The following DCLK2 variants were observed in gnomAD, a reference collection of about 807,000 sequenced individuals.
DCLK2 encodes the protein doublecortin like kinase 2, also known as serine/threonine-protein kinase DCLK2.
Under a neutral mutation model 78.4 loss-of-function variants are expected in DCLK2, and 31 were observed. The ratio of observed to expected loss-of-function variants is 0.40; its 90% CI spans 0.30 to 0.53. The LOEUF (loss-of-function observed/expected upper bound fraction) is 0.53. Among genes scored for constraint, DCLK2 ranks in the 20% least tolerant of loss-of-function variants. DCLK2 has a pLI of 0.61. For synonymous variants in DCLK2, 407 were observed against 374.9 expected (o/e 1.09, Z -0.99); for missense variants, 872 against 973.7 (o/e 0.90, Z 1.39).
chr4:150,122,262 A>G (rs374801962), intron 2 of DCLK2, among the ~76,000 whole-genome samples: 1 of 152,222 alleles, frequency 6.6e-6, no homozygotes, highest in African/African-American at 2.4e-5. Context: ...CTGGGTATAT[A>G]CCCAAAGGAT....
At chr4:150,197,850 T>C in intron 3 of DCLK2, 152 bp from the exon 4 acceptor site, 1 of 531,332 alleles carries the variant, frequency 1.9e-6, no homozygotes, top group Non-Finnish European at 3.2e-6. Context: ...AACTCAGGTG[T>C]ACTTTTGGGA....
intron 13 of DCLK2, among the ~76,000 whole-genome samples, chr4:150,248,055 A>G (rs1055043494): frequency 1.3e-5 from 2 of 152,230 alleles, no homozygotes; most frequent in Non-Finnish European, 2.9e-5. Flanking sequence ...AGACTGTGGA[A>G]TAATAACAAT....
intron 3 of DCLK2, among the ~76,000 whole-genome samples, chr4:150,195,472 T>TA (rs2126404905): frequency 1.1e-5 from 1 of 88,590 alleles, no homozygotes; most frequent in African/African-American, 4.1e-5. Context: ...ATATATTATA[T>TA]ATATTATTAT....
At chr4:150,098,734 C>T (rs1730657942) in intron 1 of DCLK2, among the ~76,000 whole-genome samples, 1 of 137,948 alleles carries the variant, frequency 7.2e-6, no homozygotes, top group African/African-American at 2.7e-5. Flanking sequence ...TCATTCTTGT[C>T]ACCCAGGCTG....
chr4:150,248,881 T>A (rs1363013597), intron 14 of DCLK2, among the ~76,000 whole-genome samples: 1 of 152,072 alleles, frequency 6.6e-6, no homozygotes, highest in Non-Finnish European at 1.5e-5. Context: ...TCCCAGAGGC[T>A]CAGGTGGTCT....
chr4:150,158,381 A>G (rs1222272549), intron 2 of DCLK2, among the ~76,000 whole-genome samples: 1 of 152,194 alleles, frequency 6.6e-6, no homozygotes, highest in Non-Finnish European at 1.5e-5. Context: ...GCTTCAACAT[A>G]TGAATTTTAG....
chr4:150,198,904 T>G, intron 4 of DCLK2: 4 of 591,350 alleles, frequency 6.8e-6, no homozygotes, highest in East Asian at 3.4e-5. Flanking sequence ...CCTTTCCCCT[T>G]TCAGCACCCC....
chr4:150,178,055 T>A (rs1737213810), intron 2 of DCLK2, among the ~76,000 whole-genome samples: 1 of 152,192 alleles, frequency 6.6e-6, no homozygotes. Flanking sequence ...AACTCTTCAA[T>A]CCTGAATTAA....
At chr4:150,226,226 T>TC (rs386401855) in intron 8 of DCLK2, among the ~76,000 whole-genome samples, 1 of 2,880 alleles carries the variant, frequency 3.5e-4, no homozygotes, top group Non-Finnish European at 6.4e-3. Context: ...TGTCATTTAC[T>TC]TTTTTTTTTT....
chr4:150,118,117 C>G (rs897413172), intron 2 of DCLK2, among the ~76,000 whole-genome samples: 1 of 152,098 alleles, frequency 6.6e-6, no homozygotes, highest in African/African-American at 2.4e-5. Flanking sequence ...CCTGGCTGTC[C>G]TGTAAGCCCC....
At chr4:150,105,649 C>T (rs1382151197) in intron 2 of DCLK2, among the ~76,000 whole-genome samples, 1 of 151,806 alleles carries the variant, frequency 6.6e-6, no homozygotes, top group African/African-American at 2.4e-5. Context: ...GACATGCAAA[C>T]ATAATTACAC....
intron 2 of DCLK2, among the ~76,000 whole-genome samples, chr4:150,126,197 G>A (rs35521294): frequency 2.8e-4 from 29 of 102,758 alleles, no homozygotes; most frequent in Admixed American, 9.8e-4. Flanking sequence ...GCTAAGATAC[G>A]ACAGAAAATG....
chr4:150,218,460 C>T (rs1038626110), intron 5 of DCLK2, among the ~76,000 whole-genome samples: 3 of 152,184 alleles, frequency 2.0e-5, no homozygotes, highest in Non-Finnish European at 4.4e-5. Context: ...ACTCAGACAA[C>T]ACATCAGCTT....
At chr4:150,112,837 G>T (rs1731795075) in intron 2 of DCLK2, among the ~76,000 whole-genome samples, 1 of 119,072 alleles carries the variant, frequency 8.4e-6, no homozygotes, top group African/African-American at 3.4e-5. Context: ...CCCGGACAGA[G>T]TCTTTTTCTG....
chr4:150,125,977 T>G (rs1017652965), intron 2 of DCLK2, among the ~76,000 whole-genome samples: 3 of 152,186 alleles, frequency 2.0e-5, no homozygotes, highest in African/African-American at 7.2e-5. Flanking sequence ...ATAATTTGTC[T>G]TAGTGATAGG....
intron 5 of DCLK2, among the ~76,000 whole-genome samples, chr4:150,211,084 G>A (rs1345583116): frequency 6.6e-6 from 1 of 152,174 alleles, no homozygotes; most frequent in African/African-American, 2.4e-5. Flanking sequence ...GGGTGGTTCT[G>A]GCTCAAGATC....
Position 150,211,682 on chromosome 4 carries a change from T to G in DCLK2, c.1056+7793T>G, listed in dbSNP as rs1740331693. 2.0e-5 allele frequency among the ~76,000 whole-genome samples: 3 copies of G among 152,292 alleles called. No individual in the cohort carries two copies. In the South Asian group the frequency reaches 6.2e-4, roughly 32 times the overall value. On this transcript the variant is annotated intron_variant, in intron 5 of 15. Coordinates refer to ENST00000296550, the MANE Select transcript of DCLK2 (RefSeq NM_001040260.4). ...CTTTGTTCTCCTTCCAGTCCTTTTG[T>G]TCGTCAGACTGCTGACTCCCTACTC...
At chr4:150,203,719 C>G (rs1739626394) in intron 4 of DCLK2, 76 bp from the exon 5 acceptor site, 2 of 1,194,770 alleles carry the variant, frequency 1.7e-6, no homozygotes, top group Non-Finnish European at 1.2e-6. Flanking sequence ...ATTGTGCATG[C>G]ACCTAGTGTA....
intron 15 of DCLK2, among the ~76,000 whole-genome samples, chr4:150,252,445 G>C (rs1219859152): frequency 1.3e-5 from 2 of 152,220 alleles, no homozygotes; most frequent in Non-Finnish European, 2.9e-5. Context: ...TGTGAAGGGA[G>C]TCATTGCTGG....
Sources: gnomAD v4.1 joint callset for allele counts (sites outside exome capture counted in the v4.1 genomes callset) on GRCh38, gnomAD v4.1.1 for gene constraint, MANE v1.5 for transcripts, NCBI Gene and HGNC (gene_info 2026-07-23, HGNC 2026-07-21) for gene names.